Variants in MDN1 observed in about 807,000 individuals in gnomAD.
The protein encoded by MDN1 is midasin AAA ATPase 1.
In MDN1, 266 loss-of-function variants were observed where a neutral mutation model predicts 669.2. That is an observed-to-expected ratio of 0.40 (90% CI 0.36 to 0.44). The LOEUF (loss-of-function observed/expected upper bound fraction) is 0.44, where lower values mean the gene tolerates loss of function less well. Ranked by LOEUF, MDN1 falls within the 20% of genes least tolerant of loss-of-function variation. The pLI, the probability that MDN1 is intolerant of heterozygous loss-of-function variation, is 1.00. For missense variants in MDN1, 5,940 were observed against 6,754.0 expected (o/e 0.88, Z 4.22); for synonymous variants, 2,385 against 2,457.1 (o/e 0.97, Z 0.87).
At chr6:89,735,370 CTTT>C (rs775653908) in intron 33 of MDN1, among the ~76,000 whole-genome samples, 2 of 122,502 alleles carry the variant, frequency 1.6e-5, no homozygotes, top group Non-Finnish European at 1.8e-5. Context: ...ATCACAGAAC[CTTT>C]TTTTTTTTTT....
chr6:89,702,952 T>C (rs1007099463), intron 53 of MDN1, among the ~76,000 whole-genome samples: 2 of 151,788 alleles, frequency 1.3e-5, no homozygotes, highest in Non-Finnish European at 2.9e-5. Context: ...TTTTTTTTTT[T>C]TGAGACAGCG....
chr6:89,650,594 C>T (rs1463334433), intron 96 of MDN1, 138 bp downstream of exon 96: 21 of 649,964 alleles, frequency 3.2e-5, no homozygotes. Context: ...GGGTAAGGAA[C>T]AGCATACTGG....
intron 9 of MDN1, among the ~76,000 whole-genome samples, chr6:89,783,241 T>C (rs1049429372): frequency 2.0e-5 from 3 of 152,116 alleles, no homozygotes; most frequent in African/African-American, 7.2e-5. Flanking sequence ...TAGCAAGGAA[T>C]ATTAATATTA....
chr6:89,650,142 G>GCAATGTATGGAATGACTTTCCGTATGTTT lies in MDN1; in HGVS notation c.16059_16087dup (p.Ala5363GlufsTer44). 6.2e-7 allele frequency: 1 copy of GCAATGTATGGAATGACTTTCCGTATGTTT among 1,614,136 alleles called. No individual in the cohort carries two copies. Among genetic ancestry groups the GCAATGTATGGAATGACTTTCCGTATGTTT allele is most frequent in the Non-Finnish European group, 8.5e-7 (1 of 1,180,026 alleles). ...AATCTTGTCTTTCCGAAATTGACTA[G>GCAATGTATGGAATGACTTTCCGTATGTTT]CAATGTATGGAATGACTTTCCGTAT... On this transcript the variant is annotated frameshift_variant, in exon 97 of 102. Coordinates refer to ENST00000369393, the MANE Select transcript of MDN1 (RefSeq NM_014611.3). LOFTEE classifies it high-confidence loss of function.
intron 100 of MDN1, among the ~76,000 whole-genome samples, chr6:89,646,282 T>C (rs1808485363): frequency 6.6e-6 from 1 of 152,224 alleles, no homozygotes; most frequent in Non-Finnish European, 1.5e-5. Context: ...CTTTCTCTTA[T>C]AAATCTGAAC....
Position 89,685,967 on chromosome 6 carries a change from T to C in MDN1, c.11579A>G (p.Lys3860Arg), listed in dbSNP as rs1414936964. Residue 3860 changes from lysine to arginine, a missense_variant, in exon 70 of 102, where the codon AAA becomes AGA. Lys to Arg is a conservative substitution (Grantham distance 26). Around this residue, in one of 5 missense-constraint regions of MDN1, gnomAD observed 2,280 missense variants for 2,576.3 expected, o/e 0.88. Transcript: ENST00000369393. ...QEQTEEQEDDKQMTLMLLVST... is the reference protein window; with the variant it reads ...QEQTEEQEDDRQMTLMLLVST... ...GACCAGCAACATCAAGGTCATCTGT[T>C]TGTCATCTTTAAAAATTCAAAGAGA... 6.2e-7 allele frequency: 1 copy of C among 1,608,658 alleles called. No individual in the cohort carries two copies. The highest frequency in any genetic ancestry group is 8.5e-7 in the Non-Finnish European group (1 of 1,178,654).
In MDN1 at chr6:89,781,387, TTAGTC is replaced by T. The variant is rs1178857645; in HGVS notation, c.1643+7_1643+11del. ...AGAAAGAAAGAAAAGAAAAAACTGTTTAGTCCAGTACCTTAGAGATAATTCTCTTC... is the reference window on the plus strand; with the variant it reads ...AGAAAGAAAGAAAAGAAAAAACTGTTCAGTACCTTAGAGATAATTCTCTTC... On this transcript the variant is annotated splice_region_variant and intron_variant, in intron 10 of 101. Coordinates refer to ENST00000369393, the MANE Select transcript of MDN1 (RefSeq NM_014611.3). 2 of 1,610,978 alleles carry T rather than the reference TTAGTC, an allele frequency of 1.2e-6. No individual in the cohort carries two copies. The highest frequency in any genetic ancestry group is 2.2e-5 in the South Asian group (2 of 90,964).
intron 95 of MDN1, 97 bp downstream of exon 95, chr6:89,652,095 A>T: frequency 1.1e-6 from 1 of 890,426 alleles, no homozygotes; most frequent in Non-Finnish European, 1.8e-6. Context: ...CCTTTTTGTT[A>T]AGGTAATTGC....
At chr6:89,782,600 C>CAAA (rs869058066) in intron 9 of MDN1, among the ~76,000 whole-genome samples, 8 of 72,444 alleles carry the variant, frequency 1.1e-4, no homozygotes, top group South Asian at 9.3e-4. Context: ...GACCTTTCCT[C>CAAA]AAAAAATAAT....
chr6:89,644,486 T>G (rs1464500916), intron 101 of MDN1, among the ~76,000 whole-genome samples: 2 of 152,224 alleles, frequency 1.3e-5, no homozygotes, highest in Non-Finnish European at 2.9e-5. Context: ...CTTGGAATCA[T>G]TCACACTAAA....
intron 80 of MDN1, 60 bp from the exon 81 acceptor site, chr6:89,672,762 A>G (rs769138811): frequency 2.4e-5 from 38 of 1,551,314 alleles, no homozygotes; most frequent in Non-Finnish European, 3.2e-5. Flanking sequence ...CATTTGCTTT[A>G]GTGCCTCTGG....
rs1809474545 is a variant in MDN1, at chr6:89,658,368, C to T, written c.15024G>A (p.Glu5008=). Residue 5008 remains glutamate, a splice_region_variant and synonymous_variant, in exon 90 of 102, where the codon GAG becomes GAA. Transcript: ENST00000369393. ...GPADQGFQPQ[E]EEEREDSDTE... ...TATCAGAGTCCTCCCGTTCTTCTTC[C>T]TCCTTCGGCAGAGAAATCAAACACA... is the stretch of plus-strand genomic sequence containing the variant. 3 of 1,613,976 alleles carry T rather than the reference C, an allele frequency of 1.9e-6. No homozygotes were observed. The African/African-American group carries it at 4.0e-5, about 22-fold the overall frequency.
chr6:89,672,169 A>C (rs779281348), intron 82 of MDN1, 31 bp downstream of exon 82: 1 of 1,540,834 alleles, frequency 6.5e-7, no homozygotes, highest in East Asian at 2.3e-5. Context: ...CATTCTGAAG[A>C]GGAAGAAGTT....
Position 89,757,891 on chromosome 6 carries a change from T to C in MDN1, c.2702+364A>G, listed in dbSNP as rs189921739. ...AAACCCAGTGTCTACTAAAAAAAAA[T>C]AGAGAAATCAGCCAGTCATGGTAGC... On this transcript the variant is annotated intron_variant, in intron 19 of 101. Coordinates refer to ENST00000369393, the MANE Select transcript of MDN1 (RefSeq NM_014611.3). 2.6e-3 allele frequency among the ~76,000 whole-genome samples: 386 copies of C among 150,888 alleles called. 5 individuals carry two copies. The South Asian group carries it at 0.028, about 11-fold the overall frequency.
intron 18 of MDN1, among the ~76,000 whole-genome samples, 181 bp from the exon 19 acceptor site, chr6:89,758,532 T>C (rs556474353): frequency 6.6e-6 from 1 of 152,350 alleles, no homozygotes; most frequent in South Asian, 2.1e-4. Flanking sequence ...TTTTGCGGTA[T>C]GTTTATTCAC....
At chr6:89,658,509 T>C in intron 89 of MDN1, 101 bp downstream of exon 89, 2 of 1,523,668 alleles carry the variant, frequency 1.3e-6, no homozygotes, top group Non-Finnish European at 1.8e-6. Flanking sequence ...AAGTGCCACA[T>C]GTTGATGGAG....
At chr6:89,716,927 T>C in intron 43 of MDN1, 118 bp from the exon 44 acceptor site, 1 of 1,130,112 alleles carries the variant, frequency 8.8e-7, no homozygotes, top group East Asian at 2.8e-5. Context: ...CATAAAAGAA[T>C]AAATAGAAGA....
At chr6:89,646,692 G>A (rs1808511772) in intron 99 of MDN1, 89 bp from the exon 100 acceptor site, 2 of 1,144,736 alleles carry the variant, frequency 1.7e-6, no homozygotes, top group Admixed American at 3.7e-5. Context: ...TGACATTGAA[G>A]TGATTATCAG....
intron 100 of MDN1, among the ~76,000 whole-genome samples, chr6:89,645,373 G>A (rs191546640): frequency 6.6e-6 from 1 of 152,276 alleles, no homozygotes; most frequent in African/African-American, 2.4e-5. Context: ...CATAATAAGG[G>A]ATACTAAGTA....
Sources: gnomAD v4.1 joint callset for allele counts (sites outside exome capture counted in the v4.1 genomes callset) on GRCh38, gnomAD v4.1.1 for gene constraint, gnomAD v4.1.1 regional missense constraint, MANE v1.5 for transcripts, NCBI Gene and HGNC (gene_info 2026-07-23, HGNC 2026-07-21) for gene names.